EBF2: variants seen among roughly 807,000 people sequenced by gnomAD.
The protein encoded by EBF2 is EBF transcription factor 2, also known as transcription factor COE2.
A neutral mutation model predicts 72.8 loss-of-function variants in EBF2; 21 were observed. That is an observed-to-expected ratio of 0.29 (90% confidence interval 0.20 to 0.42). The LOEUF (loss-of-function observed/expected upper bound fraction) is 0.42. Ranked by LOEUF, EBF2 falls within the 10% of genes least tolerant of loss-of-function variation. The pLI is 1.00. For synonymous variants in EBF2, 299 were observed against 274.2 expected (o/e 1.09, Z -0.89); for missense variants, 637 against 731.2 (o/e 0.87, Z 1.49).
intron 6 of EBF2, among the ~76,000 whole-genome samples, chr8:25,947,489 G>A (rs964985305): frequency 6.6e-6 from 1 of 152,198 alleles, no homozygotes; most frequent in Non-Finnish European, 1.5e-5. Flanking sequence ...TCAAAGGGAA[G>A]TTCAATCAGG....
chr8:25,894,193 C>T (rs1212397349), intron 7 of EBF2, among the ~76,000 whole-genome samples: 4 of 152,182 alleles, frequency 2.6e-5, no homozygotes, highest in African/African-American at 9.7e-5. Flanking sequence ...TAGAGACACA[C>T]ACTTAAATAC....
At chr8:26,041,960 G>A in intron 2 of EBF2, 135 bp downstream of exon 2, 1 of 1,310,272 alleles carries the variant, frequency 7.6e-7, no homozygotes, top group Non-Finnish European at 1.1e-6. Context: ...TTTAGAGGCT[G>A]GGGGTGAGTA....
At chr8:25,867,096 A>G (rs886389969) in intron 10 of EBF2, among the ~76,000 whole-genome samples, 1 of 152,236 alleles carries the variant, frequency 6.6e-6, no homozygotes, top group African/African-American at 2.4e-5. Context: ...GGATTAAATC[A>G]AGTTACTAAG....
intron 6 of EBF2, among the ~76,000 whole-genome samples, chr8:25,938,813 G>GA (rs1246795305): frequency 5.9e-5 from 9 of 152,218 alleles, no homozygotes; most frequent in African/African-American, 1.9e-4. Context: ...TCATTACTTG[G>GA]AAAATATGGC....
At chr8:26,039,940 A>C in intron 5 of EBF2, 88 bp downstream of exon 5, 1 of 1,450,398 alleles carries the variant, frequency 6.9e-7, no homozygotes, top group South Asian at 1.2e-5. Context: ...CTCAGTCCTG[A>C]AAGTTAGTCC....
intron 10 of EBF2, among the ~76,000 whole-genome samples, chr8:25,866,707 C>G (rs937003418): frequency 6.8e-6 from 1 of 147,370 alleles, no homozygotes; most frequent in East Asian, 2.0e-4. Flanking sequence ...TCTTGGCTCA[C>G]TGCAACCTCT....
At chr8:26,010,842 A>G (rs553022514) in intron 6 of EBF2, among the ~76,000 whole-genome samples, 1 of 152,262 alleles carries the variant, frequency 6.6e-6, no homozygotes, top group East Asian at 1.9e-4. Flanking sequence ...TTCATCACCG[A>G]GCGTTCCATG....
intron 6 of EBF2, among the ~76,000 whole-genome samples, chr8:25,999,753 T>A (rs187568258): frequency 3.9e-5 from 6 of 152,102 alleles, no homozygotes; most frequent in African/African-American, 1.4e-4. Context: ...TCGTGTTCAG[T>A]CTGTCCACTC....
At chr8:25,861,479 T>G in intron 11 of EBF2, 105 bp from the exon 12 acceptor site, 5 of 1,257,638 alleles carry the variant, frequency 4.0e-6, no homozygotes, top group Non-Finnish European at 5.7e-6. Context: ...CCTCCCAAAA[T>G]GTAAGTAATT....
At chr8:25,965,334 G>T (rs1804098144) in intron 6 of EBF2, among the ~76,000 whole-genome samples, 1 of 152,138 alleles carries the variant, frequency 6.6e-6, no homozygotes, top group Admixed American at 6.6e-5. Flanking sequence ...AACATTAAAA[G>T]CGCTCACTCA....
intron 6 of EBF2, among the ~76,000 whole-genome samples, chr8:25,960,326 G>A (rs1318656188): frequency 6.6e-6 from 1 of 152,182 alleles, no homozygotes; most frequent in Non-Finnish European, 1.5e-5. Flanking sequence ...AGGGCCAGCG[G>A]TGGCTCTCTT....
At chr8:25,976,687 T>A (rs1804273895) in intron 6 of EBF2, among the ~76,000 whole-genome samples, 1 of 152,228 alleles carries the variant, frequency 6.6e-6, no homozygotes, top group Non-Finnish European at 1.5e-5. Context: ...TCTCACTTAA[T>A]GCTGAAGGTC....
At chr8:25,852,353 C>T (rs10503776) in intron 14 of EBF2, among the ~76,000 whole-genome samples, 44,920 of 151,992 alleles carry the variant, frequency 0.3, 6,807 homozygotes, top group South Asian at 0.41. Context: ...ATTTTCTCTA[C>T]GGTACAGAAT....
At chr8:25,959,215 G>GT (rs965741706) in intron 6 of EBF2, among the ~76,000 whole-genome samples, 32 of 152,216 alleles carry the variant, frequency 2.1e-4, no homozygotes, top group African/African-American at 7.2e-4. Flanking sequence ...CTTGCTTAAA[G>GT]TTTTTTTGAG....
chr8:25,946,663 G>T (rs752583748), intron 6 of EBF2, among the ~76,000 whole-genome samples: 2 of 152,048 alleles, frequency 1.3e-5, no homozygotes, highest in Non-Finnish European at 2.9e-5. Context: ...AAACCTAGAC[G>T]GCAGCCCAGA....
chr8:25,937,260 A>G (rs1397523316), intron 6 of EBF2, among the ~76,000 whole-genome samples: 1 of 152,158 alleles, frequency 6.6e-6, no homozygotes, highest in East Asian at 1.9e-4. Flanking sequence ...GAAAATTACG[A>G]TCTCCAAGTT....
intron 6 of EBF2, among the ~76,000 whole-genome samples, chr8:25,916,119 C>T (rs990329358): frequency 3.3e-5 from 5 of 151,886 alleles, no homozygotes; most frequent in African/African-American, 9.7e-5. Context: ...AACCCAGTCT[C>T]TACTACATAT....
chr8:26,001,468 T>G (rs1804724744), intron 6 of EBF2, among the ~76,000 whole-genome samples: 1 of 152,228 alleles, frequency 6.6e-6, no homozygotes, highest in Non-Finnish European at 1.5e-5. Flanking sequence ...CAGATGTGCT[T>G]TCTTTTCTCT....
At chr8:25,855,882 G>T (rs1802079227) in intron 14 of EBF2, among the ~76,000 whole-genome samples, 1 of 152,204 alleles carries the variant, frequency 6.6e-6, no homozygotes, top group African/African-American at 2.4e-5. Context: ...CAGGGAGGAG[G>T]TTTTCTCCCG....
Sources: gnomAD v4.1 joint callset for allele counts (sites outside exome capture counted in the v4.1 genomes callset) on GRCh38, gnomAD v4.1.1 for gene constraint, MANE v1.5 for transcripts, NCBI Gene and HGNC (gene_info 2026-07-23, HGNC 2026-07-21) for gene names.